The following CDCP2 variants were observed in gnomAD, a reference collection of about 807,000 sequenced individuals.
CDCP2 encodes the protein CUB domain containing protein 2, also known as CUB domain-containing protein 2.
In CDCP2, 31 loss-of-function variants were observed where a neutral mutation model predicts 31.0. That is an observed-to-expected ratio of 1.00 (90% confidence interval 0.75 to 1.35). The LOEUF (loss-of-function observed/expected upper bound fraction) is 1.35. Ranked by LOEUF, CDCP2 falls within the 40% of genes most tolerant of loss-of-function variation. CDCP2 has a pLI of 0.00. For synonymous variants in CDCP2, 206 were observed against 207.9 expected (o/e 0.99, Z 0.08); for missense variants, 443 against 482.6 (o/e 0.92, Z 0.77).
At chr1:54,146,949 G>A (rs980186755) in intron 1 of CDCP2, among the ~76,000 whole-genome samples, 7 of 151,244 alleles carry the variant, frequency 4.6e-5, no homozygotes, top group East Asian at 1.9e-4. Flanking sequence ...GGTGGTGCAC[G>A]CCTGTAATCC....
Position 54,145,366 on chromosome 1 carries a change from C to T in CDCP2, c.80-553G>A, listed in dbSNP as rs539307817. On this transcript the variant is annotated intron_variant, in intron 1 of 5. Coordinates refer to ENST00000530059, the Ensembl canonical transcript of CDCP2. Reference sequence around the variant, plus strand: ...GCTTGCACCCGGGAGGCGGAGGTTGCAGTGAGCCAAGATCATGCCGCTGCA... The same window carrying T: ...GCTTGCACCCGGGAGGCGGAGGTTGTAGTGAGCCAAGATCATGCCGCTGCA... Among the ~76,000 whole-genome samples the T allele has an allele frequency of 4.0e-4, 61 of 152,246 alleles. No homozygotes were observed. The South Asian group carries it at 0.012, about 30-fold the overall frequency.
At chr1:54,142,695 T>C (rs1475206272) in intron 2 of CDCP2, 1 of 152,248 alleles carries the variant, frequency 6.6e-6, no homozygotes, top group Non-Finnish European at 1.5e-5. Context: ...CCCAGCCATG[T>C]AACTTTAGGA....
At chr1:54,133,672 G>A (rs12063036) in intron 5 of CDCP2, among the ~76,000 whole-genome samples, 257 of 152,244 alleles carry the variant, frequency 1.7e-3, no homozygotes, top group African/African-American at 4.7e-3. Context: ...CAAGGCGGGC[G>A]GATCATGAGG....
At chr1:54,148,974 A>T (rs4927064) in intron 1 of CDCP2, among the ~76,000 whole-genome samples, 112,926 of 146,188 alleles carry the variant, frequency 0.77, 43,923 homozygotes, top group East Asian at 0.94. Context: ...TTAAAAAAAA[A>T]ATATATATAT....
intron 4 of CDCP2, 169 bp downstream of exon 4, chr1:54,139,584 A>AG: frequency 6.2e-7 from 1 of 1,612,424 alleles, no homozygotes; most frequent in Non-Finnish European, 8.5e-7. Flanking sequence ...GTCCAGTCTT[A>AG]GGGGTCCCGA....
At chr1:54,136,859 C>T in intron 4 of CDCP2, 51 bp from the exon 5 acceptor site, 2 of 399,118 alleles carry the variant, frequency 5.0e-6, no homozygotes, top group Middle Eastern at 6.3e-4. Flanking sequence ...CGGTCTGACC[C>T]TCACCTCCCC....
In CDCP2 at chr1:54,151,410, C is replaced by T. The variant is rs576571966; in HGVS notation, c.79+1434G>A. Among the ~76,000 whole-genome samples the T allele has an allele frequency of 5.9e-5, 9 of 152,308 alleles. No individual in the cohort carries two copies. In the South Asian group the frequency reaches 1.7e-3, roughly 28 times the overall value. On this transcript the variant is annotated intron_variant, in intron 1 of 5. Transcript: ENST00000530059. ...GTCCAATGCCTGTTATTGTCCTTCT[C>T]CCAGCCCTACCCACAGGGCAGGGAA...
rs746349181 is a variant in CDCP2, at chr1:54,144,739, A to G, written c.154T>C (p.Tyr52His). 2.5e-6 allele frequency: 4 copies of G among 1,614,090 alleles called. No individual in the cohort carries two copies. In the African/African-American group the frequency reaches 5.3e-5, roughly 22 times the overall value. ...ATCAGCCAGCTGCACTCTGTGTTGT[A>G]GGGGTACAGTCTAGGGAAGTTGGGG... Residue 52 changes from tyrosine (Y) to histidine (H), a missense_variant, in exon 2 of 6, where the codon TAC (tyrosine) becomes CAC (histidine). Coordinates refer to ENST00000530059, the Ensembl canonical transcript of CDCP2.
At chr1:54,133,954 G>A (rs1022595546) in intron 5 of CDCP2, among the ~76,000 whole-genome samples, 6 of 151,420 alleles carry the variant, frequency 4.0e-5, no homozygotes, top group East Asian at 1.9e-4. Context: ...CTAAGGCCCC[G>A]AGGTTAAATC....
chr1:54,133,804 G>A (rs1006460260), intron 5 of CDCP2, among the ~76,000 whole-genome samples: 2 of 151,962 alleles, frequency 1.3e-5, no homozygotes, highest in Non-Finnish European at 2.9e-5. Context: ...GCTGAGGCAC[G>A]AGAATGGCAT....
chr1:54,143,496 A>T (rs2100426718), intron 2 of CDCP2: 1 of 151,774 alleles, frequency 6.6e-6, no homozygotes, highest in South Asian at 2.1e-4. Context: ...GTTTTTAAAA[A>T]TGTTAGGAAA....
chr1:54,139,578 A>G lies in CDCP2; in HGVS notation c.1117+175T>C, dbSNP rs146464941. The G allele has an allele frequency of 8.4e-4, 1,348 of 1,613,166 alleles. 3 individuals are homozygous for G. The highest frequency in any genetic ancestry group is 4.5e-3 in the Middle Eastern group (27 of 6,062). The stretch of plus-strand genomic sequence containing the variant: ...GAAACAAGCGGGAGCCGTACCGTCC[A>G]GTCTTAGGGGTCCCGAGAGTGGGCA... On this transcript the variant is annotated intron_variant, in intron 4 of 5. Transcript: ENST00000530059.
exon 4 of CDCP2, chr1:54,140,079 A>C: frequency 6.2e-7 from 1 of 1,613,494 alleles, no homozygotes; most frequent in Non-Finnish European, 8.5e-7. Flanking sequence ...GTTGCCCCGC[A>C]TGGCCATGTA....
exon 6 of CDCP2, chr1:54,133,012 C>G (rs1389359851): frequency 7.5e-6 from 3 of 398,946 alleles, no homozygotes; most frequent in Non-Finnish European, 1.3e-5. Context: ...ATGAGGATTC[C>G]AGCCAGGATG....
intron 5 of CDCP2, among the ~76,000 whole-genome samples, chr1:54,135,037 C>T (rs11206287): frequency 0.27 from 41,377 of 152,046 alleles, 6,122 homozygotes; most frequent in East Asian, 0.6. Context: ...AGAGGAGCTC[C>T]TGCTCCCATC....
chr1:54,150,072 C>T (rs1271801181), intron 1 of CDCP2, among the ~76,000 whole-genome samples: 2 of 152,210 alleles, frequency 1.3e-5, no homozygotes, highest in African/African-American at 4.8e-5. Flanking sequence ...TTCCTTGACC[C>T]AGGGGTGGAC....
At chr1:54,145,945 A>C (rs1235990993) in intron 1 of CDCP2, among the ~76,000 whole-genome samples, 1 of 152,254 alleles carries the variant, frequency 6.6e-6, no homozygotes, top group African/African-American at 2.4e-5. Context: ...ACACAGTCAC[A>C]TGAGGAAAAA....
intron 1 of CDCP2, among the ~76,000 whole-genome samples, chr1:54,150,503 G>A (rs1348552176): frequency 6.6e-6 from 1 of 152,108 alleles, no homozygotes; most frequent in Non-Finnish European, 1.5e-5. Flanking sequence ...GCTGAGACAG[G>A]AGAATTGCTT....
chr1:54,138,627 A>T (rs59119263), intron 4 of CDCP2: 2 of 152,164 alleles, frequency 1.3e-5, no homozygotes, highest in Non-Finnish European at 2.9e-5. Flanking sequence ...GCCTTCATCA[A>T]CCTCTTTTAC....
Sources: gnomAD v4.1 joint callset for allele counts (sites outside exome capture counted in the v4.1 genomes callset) on GRCh38, gnomAD v4.1.1 for gene constraint, MANE v1.5 for transcripts, NCBI Gene and HGNC (gene_info 2026-07-23, HGNC 2026-07-21) for gene names.